The following RBFOX1 variants were observed in gnomAD, a reference collection of about 807,000 sequenced individuals.
RBFOX1 encodes the protein RNA binding protein fox-1 homolog 1.
Under a neutral mutation model 57.7 loss-of-function variants are expected in RBFOX1, and 8 were observed. That is an observed-to-expected ratio of 0.14 (90% CI 0.08 to 0.25). The LOEUF (loss-of-function observed/expected upper bound fraction) is 0.25. Among genes scored for constraint, RBFOX1 ranks in the 10% least tolerant of loss-of-function variants. The pLI is 1.00. For missense variants in RBFOX1, 611 were observed against 548.5 expected, an observed-to-expected ratio of 1.11 and a Z score of -1.14; for synonymous variants, 326 against 222.4, an observed-to-expected ratio of 1.47 and a Z score of -4.15.
chr16:5,607,708 C>T (rs1299990451), intron 3 of RBFOX1, among the ~76,000 whole-genome samples: 1 of 152,206 alleles, frequency 6.6e-6, no homozygotes, highest in African/African-American at 2.4e-5. Flanking sequence ...TCTCTGTCGA[C>T]ACTACCTGCC....
At chr16:7,528,052 G>A (rs1405163048) in intron 5 of RBFOX1, among the ~76,000 whole-genome samples, 2 of 152,188 alleles carry the variant, frequency 1.3e-5, no homozygotes, top group Non-Finnish European at 1.5e-5. Flanking sequence ...AGTCTAGGTC[G>A]TGGGCAAACA....
At position 5,736,123 on chromosome 16, in the gene RBFOX1, C is replaced by T. The variant is rs1243275526; in HGVS notation, c.319-131180C>T. Reference sequence around the variant, plus strand: ...TCTTTACTGGCTGCGATGATGACGGCGGGAGGTTTTGTTACACGTGGACCC... The same window carrying T: ...TCTTTACTGGCTGCGATGATGACGGTGGGAGGTTTTGTTACACGTGGACCC... On this transcript the variant is annotated intron_variant, in intron 3 of 19. Transcript: ENST00000641259. 3.3e-5 allele frequency among the ~76,000 whole-genome samples: 5 copies of T among 152,094 alleles called. No individual in the cohort carries two copies. The East Asian group carries it at 5.8e-4, about 18-fold the overall frequency.
At chr16:5,479,654 G>A (rs137935665) in intron 2 of RBFOX1, among the ~76,000 whole-genome samples, 3,408 of 152,150 alleles carry the variant, frequency 0.022, 74 homozygotes, top group African/African-American at 0.058. Flanking sequence ...AGCTACTTGG[G>A]AGGCTGAGGC....
chr16:6,379,299 A>C (rs896323244), intron 2 of RBFOX1, among the ~76,000 whole-genome samples: 2 of 152,110 alleles, frequency 1.3e-5, no homozygotes, highest in Admixed American at 6.5e-5. Context: ...CCTAGGAGAG[A>C]GGCAGGATAA....
chr16:6,597,681 A>G (rs922085860), intron 2 of RBFOX1, among the ~76,000 whole-genome samples: 1 of 152,116 alleles, frequency 6.6e-6, no homozygotes, highest in African/African-American at 2.4e-5. Flanking sequence ...TCAAAAAACA[A>G]AACAAAACCA....
chr16:7,016,245 G>A (rs1048585026), intron 3 of RBFOX1, among the ~76,000 whole-genome samples: 1 of 152,084 alleles, frequency 6.6e-6, no homozygotes, highest in African/African-American at 2.4e-5. Flanking sequence ...TATGTGGAAC[G>A]GGACCTGCCT....
chr16:7,121,598 CATT>C (rs1374197613), intron 4 of RBFOX1, among the ~76,000 whole-genome samples: 2 of 151,922 alleles, frequency 1.3e-5, no homozygotes, highest in African/African-American at 4.8e-5. Flanking sequence ...TTCAAAGACT[CATT>C]GTAGTAAAAG....
chr16:6,468,288 A>G (rs3095264), intron 2 of RBFOX1, among the ~76,000 whole-genome samples: 97,357 of 151,986 alleles, frequency 0.64, 32,154 homozygotes, highest in South Asian at 0.8. Flanking sequence ...GCTTATAGCA[A>G]GTTACCCAGA....
chr16:7,567,737 C>A (rs1237153224), intron 5 of RBFOX1, among the ~76,000 whole-genome samples: 1 of 25,228 alleles, frequency 4.0e-5, no homozygotes, highest in African/African-American at 8.1e-5. Flanking sequence ...TATATATAAT[C>A]CCTATATATA....
chr16:6,003,760 G>A (rs553423829), intron 4 of RBFOX1, among the ~76,000 whole-genome samples: 2 of 152,320 alleles, frequency 1.3e-5, no homozygotes, highest in African/African-American at 4.8e-5. Context: ...AGCTAAGCCA[G>A]GGTCTCAATC....
chr16:5,665,335 C>T (rs1310624005), intron 3 of RBFOX1, among the ~76,000 whole-genome samples: 2 of 152,106 alleles, frequency 1.3e-5, no homozygotes, highest in African/African-American at 2.4e-5. Context: ...TGTCTGGCTC[C>T]TTTTCCTCCT....
chr16:6,610,880 A>G (rs545034651), intron 2 of RBFOX1, among the ~76,000 whole-genome samples: 1 of 152,314 alleles, frequency 6.6e-6, no homozygotes, highest in East Asian at 1.9e-4. Context: ...AAAGTAGGTC[A>G]TTTGATATGC....
intron 5 of RBFOX1, among the ~76,000 whole-genome samples, chr16:7,563,345 A>G (rs1316920518): frequency 6.6e-6 from 1 of 152,228 alleles, no homozygotes; most frequent in African/African-American, 2.4e-5. Context: ...CAGAGAGGTT[A>G]AGTAACCTGC....
chr16:5,259,321 G>T (rs931117352), intron 1 of RBFOX1, among the ~76,000 whole-genome samples: 10 of 152,096 alleles, frequency 6.6e-5, no homozygotes, highest in African/African-American at 2.4e-4. Context: ...ATGATTAGGG[G>T]CTCAGCTAGG....
At chr16:7,437,450 C>T (rs914652625) in intron 4 of RBFOX1, among the ~76,000 whole-genome samples, 5 of 151,968 alleles carry the variant, frequency 3.3e-5, no homozygotes, top group African/African-American at 4.8e-5. Context: ...ACACTGTTGG[C>T]GCGTTATTAA....
chr16:6,405,400 A>C (rs1035561884), intron 2 of RBFOX1, among the ~76,000 whole-genome samples: 7 of 152,162 alleles, frequency 4.6e-5, no homozygotes, highest in Non-Finnish European at 1.0e-4. Flanking sequence ...GGGCATTGGG[A>C]AGTGCACCAA....
chr16:5,974,743 T>G (rs2060028647), intron 4 of RBFOX1, among the ~76,000 whole-genome samples: 1 of 152,174 alleles, frequency 6.6e-6, no homozygotes, highest in Non-Finnish European at 1.5e-5. Flanking sequence ...GCGCAGTGGC[T>G]CACGTCTGTA....
chr16:5,872,827 T>G (rs2057510386), intron 4 of RBFOX1, among the ~76,000 whole-genome samples: 1 of 152,170 alleles, frequency 6.6e-6, no homozygotes. Context: ...TTTGCTTCCA[T>G]ACAAAGTCCC....
At chr16:6,210,277 A>C (rs1349723022) in intron 1 of RBFOX1, among the ~76,000 whole-genome samples, 5 of 143,554 alleles carry the variant, frequency 3.5e-5, no homozygotes, top group Non-Finnish European at 3.0e-5. Context: ...GAGATCACGC[A>C]TTGCATTCCG....
Sources: allele counts gnomAD v4.1 joint callset (sites outside exome capture counted in the v4.1 genomes callset), GRCh38; gene constraint gnomAD v4.1.1; transcripts MANE v1.5; gene names NCBI Gene and HGNC (gene_info 2026-07-23, HGNC 2026-07-21).